Variants in AGBL1 observed in about 807,000 individuals in gnomAD.
AGBL1 encodes cytosolic carboxypeptidase 4.
AGBL1 carries 130 observed loss-of-function variants against 118.9 expected under a neutral mutation model. The ratio of observed to expected loss-of-function variants is 1.09; its 90% CI spans 0.95 to 1.26. The LOEUF (loss-of-function observed/expected upper bound fraction) is 1.26. Among genes scored for constraint, AGBL1 ranks in the 50% most tolerant of loss-of-function variants. The probability of loss-of-function intolerance (pLI) is 0.00; values close to 1 mark genes in which losing one functional copy is unlikely to be tolerated. For missense variants in AGBL1, 1,584 were observed against 1,298.1 expected (o/e 1.22, Z -3.38); for synonymous variants, 555 against 478.9 (o/e 1.16, Z -2.08).
At chr15:86,334,150 A>G (rs1461003356) in intron 17 of AGBL1, among the ~76,000 whole-genome samples, 1 of 152,172 alleles carries the variant, frequency 6.6e-6, no homozygotes, top group African/African-American at 2.4e-5. Context: ...CACCACTCCT[A>G]TTCAACATAC....
intron 5 of AGBL1, among the ~76,000 whole-genome samples, chr15:86,164,473 C>T (rs750331266): frequency 7.2e-5 from 11 of 152,296 alleles, no homozygotes; most frequent in South Asian, 2.1e-4. Flanking sequence ...GATTACTCCA[C>T]GTCTCAACAC....
intron 5 of AGBL1, among the ~76,000 whole-genome samples, chr15:86,177,250 A>G (rs1041766959): frequency 6.6e-6 from 1 of 152,244 alleles, no homozygotes; most frequent in African/African-American, 2.4e-5. Flanking sequence ...AGGAACAAAC[A>G]AAAGTCCTAA....
chr15:86,953,038 GTTTTTGTGC>G (rs2080895386), intron 23 of AGBL1, among the ~76,000 whole-genome samples: 1 of 152,100 alleles, frequency 6.6e-6, no homozygotes, highest in African/African-American at 2.4e-5. Flanking sequence ...CTATGTGCCT[GTTTTTGTGC>G]TACACCATGC....
At chr15:86,515,774 G>C (rs1450892005) in intron 18 of AGBL1, among the ~76,000 whole-genome samples, 2 of 152,132 alleles carry the variant, frequency 1.3e-5, no homozygotes, top group Non-Finnish European at 2.9e-5. Flanking sequence ...ACAGTTGTTG[G>C]TCTTGTGAAC....
intron 20 of AGBL1, among the ~76,000 whole-genome samples, chr15:86,547,314 A>C (rs1303782801): frequency 6.6e-6 from 1 of 152,164 alleles, no homozygotes; most frequent in Non-Finnish European, 1.5e-5. Flanking sequence ...AATCAAAAAA[A>C]TCTACCATGG....
chr15:86,134,494 T>C (rs2141619107), intron 1 of AGBL1, among the ~76,000 whole-genome samples: 1 of 152,186 alleles, frequency 6.6e-6, no homozygotes, highest in Middle Eastern at 3.4e-3. Flanking sequence ...GATGGACTGT[T>C]TTTTTCCCAG....
chr15:86,278,413 C>A (rs561153539), intron 15 of AGBL1, among the ~76,000 whole-genome samples: 5 of 152,250 alleles, frequency 3.3e-5, no homozygotes, highest in African/African-American at 1.2e-4. Context: ...AGTGGGCTAC[C>A]AGCTTCCCTT....
At chr15:86,744,642 G>T (rs931273116) in intron 22 of AGBL1, among the ~76,000 whole-genome samples, 4 of 152,066 alleles carry the variant, frequency 2.6e-5, no homozygotes, top group Admixed American at 2.0e-4. Flanking sequence ...CCAGAGGGGG[G>T]GAGGAGTTAA....
At chr15:87,021,105 C>T (rs1215350051) in intron 24 of AGBL1, among the ~76,000 whole-genome samples, 1 of 152,074 alleles carries the variant, frequency 6.6e-6, no homozygotes, top group African/African-American at 2.4e-5. Flanking sequence ...AACTATGCTA[C>T]AAACCAAACA....
chr15:86,080,190 A>T, intron 1 of AGBL1, 167 bp downstream of exon 1: 1 of 418,712 alleles, frequency 2.4e-6, no homozygotes, highest in Non-Finnish European at 4.1e-6. Context: ...AAGTGATGCT[A>T]TGGAATTCAA....
At chr15:86,996,737 C>T (rs562353364) in intron 24 of AGBL1, among the ~76,000 whole-genome samples, 16 of 152,206 alleles carry the variant, frequency 1.1e-4, no homozygotes, top group African/African-American at 3.9e-4. Context: ...CCATCTTTTA[C>T]CTGAAAGCCT....
At chr15:86,790,365 C>A (rs2078473957) in intron 22 of AGBL1, among the ~76,000 whole-genome samples, 1 of 151,746 alleles carries the variant, frequency 6.6e-6, no homozygotes. Flanking sequence ...CACACACACA[C>A]ACGCATGCAC....
chr15:86,339,235 G>A (rs1374125423), intron 17 of AGBL1, among the ~76,000 whole-genome samples: 5 of 152,052 alleles, frequency 3.3e-5, no homozygotes, highest in African/African-American at 9.7e-5. Context: ...TTTTTTCCCC[G>A]ATAGGTAAGG....
intron 21 of AGBL1, among the ~76,000 whole-genome samples, chr15:86,561,163 G>A (rs2083813443): frequency 6.6e-6 from 1 of 152,116 alleles, no homozygotes; most frequent in Admixed American, 6.5e-5. Flanking sequence ...TGTCAATTTT[G>A]GCTTTTGTTG....
Position 86,540,730 on chromosome 15 carries a change from G to A in AGBL1, c.2686-5272G>A, listed in dbSNP as rs192458674. ...AAAAGCTTCCTTAACTTAAATAATT[G>A]GATAATTGCCTTGTAATTGCACCCT... On this transcript the variant is annotated intron_variant, in intron 19 of 22. Transcript: ENST00000614907. Among the ~76,000 whole-genome samples, 255 of 152,214 alleles carry A rather than the reference G, an allele frequency of 1.7e-3. 1 individual carries two copies. The highest frequency in any genetic ancestry group is 6.0e-3 in the African/African-American group (250 of 41,534).
chr15:86,270,170 A>G (rs2079136511), intron 14 of AGBL1, 103 bp downstream of exon 14: 1 of 1,438,012 alleles, frequency 7.0e-7, no homozygotes, highest in Non-Finnish European at 9.2e-7. Context: ...GAGGGTTTGA[A>G]GTTGGGCAGA....
intron 18 of AGBL1, among the ~76,000 whole-genome samples, chr15:86,521,807 C>T (rs2083192728): frequency 6.6e-6 from 1 of 152,126 alleles, no homozygotes; most frequent in African/African-American, 2.4e-5. Flanking sequence ...GAACTGTTAG[C>T]AATTCCACTG....
chr15:86,427,294 G>A lies in AGBL1; in HGVS notation c.2555+29748G>A, dbSNP rs139962593. ...CAAATGTGCTAGACCTTTTTGTAAT[G>A]TTCACAGCCGAAAAACAGAAATTGC... On this transcript the variant is annotated intron_variant, in intron 18 of 22. Coordinates refer to ENST00000614907, the MANE Select transcript of AGBL1 (RefSeq NM_001386094.1). 9.0e-3 allele frequency among the ~76,000 whole-genome samples: 1,369 copies of A among 152,232 alleles called. 28 individuals carry two copies. The highest frequency in any genetic ancestry group is 0.029 in the African/African-American group (1,223 of 41,550).
intron 22 of AGBL1, among the ~76,000 whole-genome samples, chr15:86,828,914 G>GTATATATATATATATATATA (rs3059643): frequency 4.9e-5 from 7 of 141,868 alleles, no homozygotes; most frequent in East Asian, 2.1e-4. Flanking sequence ...AAGTTCAAAA[G>GTATATATATATATATATATA]TATATATATA....
Sources: allele counts gnomAD v4.1 joint callset (sites outside exome capture counted in the v4.1 genomes callset), GRCh38; gene constraint gnomAD v4.1.1; transcripts MANE v1.5; gene names NCBI Gene and HGNC (gene_info 2026-07-23, HGNC 2026-07-21).